The following GSE1 variants were observed in gnomAD, a reference collection of about 807,000 sequenced individuals.
The protein encoded by GSE1 is Gse1 coiled-coil protein.
In GSE1, 32 loss-of-function variants were observed where a neutral mutation model predicts 112.6. That is an observed-to-expected ratio of 0.28 (90% CI 0.21 to 0.38). The LOEUF (loss-of-function observed/expected upper bound fraction) is 0.38, where lower values mean the gene tolerates loss of function less well. GSE1 is among the 10% of genes least tolerant of loss of function. The probability of loss-of-function intolerance (pLI) is 1.00; values close to 1 mark genes in which losing one functional copy is unlikely to be tolerated. For missense variants in GSE1, 2,348 were observed against 1,699.2 expected (o/e 1.38, Z -6.71); for synonymous variants, 1,115 against 735.6 (o/e 1.52, Z -8.35).
At chr16:85,397,575 C>T (rs1002739297) in intron 2 of GSE1, among the ~76,000 whole-genome samples, 3 of 152,230 alleles carry the variant, frequency 2.0e-5, no homozygotes, top group Non-Finnish European at 2.9e-5. Context: ...GTTGAGTTCA[C>T]GAGGTTCCAA....
chr16:85,465,361 T>C (rs946623616), intron 2 of GSE1, among the ~76,000 whole-genome samples: 1 of 152,198 alleles, frequency 6.6e-6, no homozygotes, highest in African/African-American at 2.4e-5. Context: ...AATAGAACCA[T>C]GAACAGCGCC....
intron 1 of GSE1, among the ~76,000 whole-genome samples, chr16:85,218,833 C>T (rs2075344958): frequency 6.6e-6 from 1 of 152,218 alleles, no homozygotes; most frequent in Admixed American, 6.5e-5. Context: ...AACCAAATGA[C>T]CGATTGAATG....
In GSE1 at chr16:85,408,008, T is replaced by C. The variant is rs1471164892; in HGVS notation, c.2464+50365T>C. 1.9e-4 allele frequency among the ~76,000 whole-genome samples: 10 copies of C among 52,594 alleles called. 1 individual carries two copies. The highest frequency in any genetic ancestry group is 4.7e-4 in the Admixed American group (3 of 6,320). The allele number at this position is 52,594 out of a possible 152,430, so 34.5% of individuals were successfully genotyped here. A position where few individuals can be genotyped will look rare whatever the true frequency, so the allele number is the denominator to read the frequency against. On this transcript the variant is annotated intron_variant, in intron 2 of 2. Coordinates refer to the GSE1 transcript ENST00000637419. ...ACTGTTACACTCAGGGCCCCCTGGA[T>C]AATCCTCACTGTTACACTCAGGGCC...
chr16:85,471,434 G>A (rs919132768), intron 2 of GSE1, among the ~76,000 whole-genome samples: 6 of 152,160 alleles, frequency 3.9e-5, no homozygotes, highest in African/African-American at 1.4e-4. Context: ...TACTTGTTGA[G>A]GCAAAGTCTC....
intron 1 of GSE1, among the ~76,000 whole-genome samples, chr16:85,318,195 G>A (rs2046025600): frequency 6.6e-6 from 1 of 152,196 alleles, no homozygotes; most frequent in Admixed American, 6.5e-5. Flanking sequence ...ACTTCAAAGG[G>A]CATCGCTTTG....
At position 85,185,697 on chromosome 16, in the gene GSE1, C is replaced by G. The variant is rs139817457; in HGVS notation, c.2283+13890C>G. On this transcript the variant is annotated intron_variant, in intron 1 of 2. Coordinates refer to the GSE1 transcript ENST00000637419. ...GTCCCCCGTGTCTGGCTCCCCTGGT[C>G]TGTGTGGGCTTTTGGGAGCCCCAGC... Among the ~76,000 whole-genome samples, 401 of 152,358 alleles carry G rather than the reference C, an allele frequency of 2.6e-3. 1 individual carries two copies. Among genetic ancestry groups the G allele is most frequent in the African/African-American group, 9.3e-3 (386 of 41,586 alleles).
intron 2 of GSE1, among the ~76,000 whole-genome samples, chr16:85,519,661 A>G (rs1055155714): frequency 1.3e-5 from 2 of 149,166 alleles, no homozygotes; most frequent in African/African-American, 4.9e-5. Context: ...CTTCACCACC[A>G]TCACCACAGT....
At chr16:85,451,341 G>A (rs1238265838) in intron 2 of GSE1, among the ~76,000 whole-genome samples, 1 of 152,238 alleles carries the variant, frequency 6.6e-6, no homozygotes, top group Admixed American at 6.5e-5. Flanking sequence ...TGTAGGCGGA[G>A]GCGTTCAGTA....
intron 1 of GSE1, among the ~76,000 whole-genome samples, chr16:85,181,761 G>C (rs2074590236): frequency 6.6e-6 from 1 of 152,186 alleles, no homozygotes; most frequent in Non-Finnish European, 1.5e-5. Context: ...ACTGGCCATG[G>C]GGCTGGGACG....
chr16:85,182,696 G>T (rs1021881774), intron 1 of GSE1, among the ~76,000 whole-genome samples: 5 of 152,144 alleles, frequency 3.3e-5, no homozygotes, highest in Admixed American at 6.5e-5. Flanking sequence ...TAGGGTTTAA[G>T]ACCTGGTGCA....
At chr16:85,382,293 C>T (rs994679301) in intron 2 of GSE1, among the ~76,000 whole-genome samples, 9 of 152,210 alleles carry the variant, frequency 5.9e-5, no homozygotes, top group African/African-American at 2.2e-4. Context: ...ACTTGCAAAC[C>T]GTGACTGTGG....
chr16:85,522,946 C>A (rs975082416), intron 2 of GSE1, among the ~76,000 whole-genome samples: 3 of 151,970 alleles, frequency 2.0e-5, no homozygotes, highest in African/African-American at 7.3e-5. Context: ...TGTGACTCTG[C>A]ATGACCTGTG....
At chr16:85,635,923 G>C (rs1037939080) in intron 2 of GSE1, among the ~76,000 whole-genome samples, 1 of 149,424 alleles carries the variant, frequency 6.7e-6, no homozygotes, top group African/African-American at 2.4e-5. Flanking sequence ...GCGGCCGTGG[G>C]CGTCACAGCA....
intron 1 of GSE1, among the ~76,000 whole-genome samples, chr16:85,564,993 G>A (rs971769124): frequency 1.3e-5 from 2 of 152,136 alleles, no homozygotes; most frequent in African/African-American, 2.4e-5. Context: ...GAATGAAGCC[G>A]GGGAGTGGGT....
At chr16:85,216,202 A>C (rs372075161) in intron 1 of GSE1, among the ~76,000 whole-genome samples, 38 of 152,228 alleles carry the variant, frequency 2.5e-4, no homozygotes, top group Non-Finnish European at 3.7e-4. Context: ...CCAGGAGTTC[A>C]ATACCATATT....
rs184452463 is a variant in GSE1 at position 85,619,755 on chromosome 16, G to A, written c.7+6357G>A. On this transcript the variant is annotated intron_variant, in intron 1 of 15. Transcript: ENST00000253458. Reference sequence around the variant, plus strand: ...GGTGGGGGGACGTTTTCACCCCAACGTGCTCCTCCTCCCCAGGGAGGGACT... The same window carrying A: ...GGTGGGGGGACGTTTTCACCCCAACATGCTCCTCCTCCCCAGGGAGGGACT... 4.4e-3 allele frequency among the ~76,000 whole-genome samples: 674 copies of A among 152,300 alleles called. 7 individuals carry two copies. The highest frequency in any genetic ancestry group is 6.7e-3 in the Admixed American group (103 of 15,308).
chr16:85,590,336 G>A lies in GSE1; in HGVS notation c.37+33973G>A, dbSNP rs1456531382. Among the ~76,000 whole-genome samples, 3 of 150,778 alleles carry A rather than the reference G, an allele frequency of 2.0e-5. No homozygotes were observed. In the East Asian group the frequency reaches 5.9e-4, roughly 29 times the overall value. On this transcript the variant is annotated intron_variant, in intron 1 of 2. Coordinates refer to the GSE1 transcript ENST00000635906. The stretch of plus-strand genomic sequence containing the variant: ...CCCATGTGTGAATGTGAGTGTGTGT[G>A]ATTAACGCGTGGGCCTGCTTGTGAA...
chr16:85,195,769 G>T (rs759478679), intron 1 of GSE1, among the ~76,000 whole-genome samples: 22 of 152,320 alleles, frequency 1.4e-4, no homozygotes, highest in Middle Eastern at 6.8e-3. Context: ...GACTGTCCCG[G>T]AAAGGTTAGA....
At chr16:85,609,701 C>T (rs2047880767), upstream of GSE1, among the ~76,000 whole-genome samples, 1 of 152,044 alleles carries the variant, frequency 6.6e-6, no homozygotes, top group African/African-American at 2.4e-5. Flanking sequence ...GTCGCCCAGG[C>T]TAGAGTGTAG....
Sources: allele counts gnomAD v4.1 joint callset (sites outside exome capture counted in the v4.1 genomes callset), GRCh38; gene constraint gnomAD v4.1.1; transcripts MANE v1.5; gene names NCBI Gene and HGNC (gene_info 2026-07-23, HGNC 2026-07-21).